The following CDK14 variants were observed in gnomAD, a reference collection of about 807,000 sequenced individuals.
CDK14 encodes the protein cyclin-dependent kinase 14.
In CDK14, 34 loss-of-function variants were observed where a neutral mutation model predicts 60.7. The observed-to-expected ratio is 0.56, with a 90% confidence interval of 0.43 to 0.75. CDK14 has a LOEUF of 0.75. CDK14 is among the 30% of genes least tolerant of loss of function. The probability of loss-of-function intolerance (pLI) is 0.00; values close to 1 mark genes in which losing one functional copy is unlikely to be tolerated. For missense variants in CDK14, 482 were observed against 564.1 expected, an observed-to-expected ratio of 0.85 and a Z score of 1.47; for synonymous variants, 197 against 203.7, an observed-to-expected ratio of 0.97 and a Z score of 0.28.
intron 5 of CDK14, among the ~76,000 whole-genome samples, chr7:90,806,847 C>T (rs1788864647): frequency 6.6e-6 from 1 of 151,802 alleles, no homozygotes; most frequent in African/African-American, 2.4e-5. Context: ...GAGGGTCCTA[C>T]ACCCGCGGAG....
intron 4 of CDK14, among the ~76,000 whole-genome samples, chr7:90,775,258 C>T (rs775486073): frequency 5.0e-4 from 76 of 152,142 alleles, no homozygotes; most frequent in Admixed American, 1.2e-3. Flanking sequence ...ATTCTCATCG[C>T]GATGCTGTAT....
At chr7:90,830,142 T>G (rs184002178) in intron 5 of CDK14, among the ~76,000 whole-genome samples, 1 of 152,308 alleles carries the variant, frequency 6.6e-6, no homozygotes, top group Non-Finnish European at 1.5e-5. Context: ...ATTTTGCCTC[T>G]GCATCGCCCT....
intron 14 of CDK14, among the ~76,000 whole-genome samples, chr7:91,177,967 G>A (rs1801834699): frequency 1.5e-5 from 2 of 132,696 alleles, no homozygotes; most frequent in Non-Finnish European, 3.2e-5. Flanking sequence ...CTACTTTAAA[G>A]TTCATATGGA....
intron 6 of CDK14, among the ~76,000 whole-genome samples, chr7:90,870,440 A>G (rs1286223660): frequency 1.3e-5 from 2 of 152,156 alleles, no homozygotes; most frequent in Non-Finnish European, 2.9e-5. Context: ...GCAAACCCCC[A>G]TTACACAAGC....
intron 2 of CDK14, among the ~76,000 whole-genome samples, chr7:90,669,574 C>G (rs1342850271): frequency 1.0e-5 from 1 of 96,276 alleles, no homozygotes; most frequent in Non-Finnish European, 2.2e-5. Context: ...ATTTATAGAA[C>G]CAACATGAAG....
chr7:91,155,563 C>T (rs1800957939), intron 14 of CDK14, among the ~76,000 whole-genome samples: 1 of 152,202 alleles, frequency 6.6e-6, no homozygotes, highest in African/African-American at 2.4e-5. Flanking sequence ...TTCTCCAACT[C>T]ACAGTGTAAC....
intron 5 of CDK14, among the ~76,000 whole-genome samples, chr7:90,836,162 A>T (rs1012889888): frequency 1.3e-5 from 2 of 152,170 alleles, no homozygotes; most frequent in South Asian, 2.1e-4. Context: ...AATTTATTTT[A>T]AAAACTTTTT....
At chr7:90,657,641 T>C (rs773524754) in intron 2 of CDK14, among the ~76,000 whole-genome samples, 4 of 152,188 alleles carry the variant, frequency 2.6e-5, no homozygotes, top group Non-Finnish European at 5.9e-5. Context: ...TTAATTTTAA[T>C]GAATTCAGAT....
intron 6 of CDK14, among the ~76,000 whole-genome samples, chr7:90,870,876 C>CT (rs1382450431): frequency 6.6e-6 from 1 of 152,118 alleles, no homozygotes; most frequent in Non-Finnish European, 1.5e-5. Flanking sequence ...TCTTCATTCT[C>CT]TTTGTTATTT....
intron 2 of CDK14, among the ~76,000 whole-genome samples, chr7:90,636,213 A>C (rs947097066): frequency 5.9e-5 from 9 of 152,078 alleles, no homozygotes; most frequent in African/African-American, 2.2e-4. Flanking sequence ...GTCTTGTGCC[A>C]GTTTTCAAAT....
At chr7:90,702,552 T>C (rs894963869) in intron 2 of CDK14, among the ~76,000 whole-genome samples, 12 of 152,060 alleles carry the variant, frequency 7.9e-5, no homozygotes, top group Non-Finnish European at 1.3e-4. Context: ...ACTAAAACAA[T>C]GCCACAGGAA....
intron 6 of CDK14, among the ~76,000 whole-genome samples, chr7:90,892,308 C>T (rs1413537772): frequency 2.0e-5 from 3 of 150,410 alleles, no homozygotes; most frequent in South Asian, 2.1e-4. Context: ...TCTCCACTCA[C>T]GCCTGTTTTA....
intron 11 of CDK14, among the ~76,000 whole-genome samples, chr7:91,064,852 A>G (rs1292502122): frequency 6.6e-6 from 1 of 152,140 alleles, no homozygotes; most frequent in African/African-American, 2.4e-5. Flanking sequence ...GGGAGCTGTA[A>G]ATTTGTTCTT....
intron 2 of CDK14, among the ~76,000 whole-genome samples, chr7:90,615,983 T>C (rs922427009): frequency 6.6e-6 from 1 of 152,214 alleles, no homozygotes; most frequent in African/African-American, 2.4e-5. Context: ...TTTTAAAATA[T>C]CTGTTGCTGA....
At chr7:90,767,265 G>C (rs2116879812) in intron 4 of CDK14, among the ~76,000 whole-genome samples, 1 of 152,288 alleles carries the variant, frequency 6.6e-6, no homozygotes, top group South Asian at 2.1e-4. Context: ...CTGGATGTCT[G>C]CCTTGGCCTA....
chr7:90,901,913 A>G (rs959073403), intron 7 of CDK14, among the ~76,000 whole-genome samples: 4 of 152,126 alleles, frequency 2.6e-5, no homozygotes, highest in East Asian at 1.9e-4. Context: ...CTAATTCCGT[A>G]AAGTTGCAGG....
In CDK14 at chr7:90,989,497, A is replaced by G. The variant is rs551080275; in HGVS notation, c.1041+5256A>G. Among the ~76,000 whole-genome samples the G allele has an allele frequency of 6.6e-5, 10 of 151,874 alleles. No homozygotes were observed. In the South Asian group the frequency reaches 2.1e-3, roughly 31 times the overall value. On this transcript the variant is annotated intron_variant, in intron 10 of 14. Coordinates refer to ENST00000380050, the MANE Select transcript of CDK14 (RefSeq NM_001287135.2). The stretch of plus-strand genomic sequence containing the variant: ...TGTAGTCTCTGTAGCACTAGGTACA[A>G]TGAAGACATAAAAGAATTATGTGTC...
At position 90,596,548 on chromosome 7, in the gene CDK14, C is replaced by T. The variant is rs1799189416; in HGVS notation, c.-80C>T. On this transcript the variant is annotated 5_prime_UTR_variant, in exon 1 of 15. Coordinates refer to ENST00000380050, the MANE Select transcript of CDK14 (RefSeq NM_001287135.2). Reference sequence around the variant, plus strand: ...TGGTGGAGGAGGAGGCGCCGCTTTCCCCGCGGCGCGCGCCCTCGCCGTTGT... The same window carrying T: ...TGGTGGAGGAGGAGGCGCCGCTTTCTCCGCGGCGCGCGCCCTCGCCGTTGT... The T allele has an allele frequency of 1.6e-6, 2 of 1,260,200 alleles. No homozygotes were observed. The highest frequency in any genetic ancestry group is 2.4e-5 in the East Asian group (1 of 41,202). The allele number at this position is 1,260,200 out of a possible 1,614,324, so 78.1% of individuals were successfully genotyped here.
At chr7:90,951,448 T>C (rs971059566) in intron 8 of CDK14, among the ~76,000 whole-genome samples, 13 of 152,334 alleles carry the variant, frequency 8.5e-5, no homozygotes, top group Admixed American at 2.0e-4. Flanking sequence ...CAGCTAGATT[T>C]GCTGTTATTA....
Sources: allele counts gnomAD v4.1 joint callset (sites outside exome capture counted in the v4.1 genomes callset), GRCh38; gene constraint gnomAD v4.1.1; transcripts MANE v1.5; gene names NCBI Gene and HGNC (gene_info 2026-07-23, HGNC 2026-07-21).